The following WWOX variants were observed in gnomAD, a reference collection of about 807,000 sequenced individuals.
WWOX encodes the protein WW domain containing oxidoreductase, also known as WW domain-containing oxidoreductase.
WWOX carries 69 observed loss-of-function variants against 46.2 expected under a neutral mutation model. That is an observed-to-expected ratio of 1.49 (90% CI 1.23 to 1.82). The LOEUF is 1.82. Among genes scored for constraint, WWOX ranks in the 40% most tolerant of loss-of-function variants. The pLI is 0.00. For missense variants in WWOX, 919 were observed against 542.6 expected (o/e 1.69, Z -6.89); for synonymous variants, 359 against 202.6 (o/e 1.77, Z -6.56).
chr16:79,046,447 T>A (rs1330358141), intron 8 of WWOX, among the ~76,000 whole-genome samples: 2 of 152,198 alleles, frequency 1.3e-5, no homozygotes, highest in African/African-American at 4.8e-5. Flanking sequence ...TTTACATGGT[T>A]CTGGAGACTG....
At chr16:78,635,085 C>A (rs2046536054) in intron 8 of WWOX, among the ~76,000 whole-genome samples, 1 of 152,086 alleles carries the variant, frequency 6.6e-6, no homozygotes, top group Non-Finnish European at 1.5e-5. Flanking sequence ...GGAAACCTTG[C>A]CCAATGTGAT....
At chr16:78,886,668 T>C (rs2044465322) in intron 8 of WWOX, among the ~76,000 whole-genome samples, 1 of 144,174 alleles carries the variant, frequency 6.9e-6, no homozygotes, top group Non-Finnish European at 1.5e-5. Flanking sequence ...GTAAAATATA[T>C]ATATGAAGGG....
chr16:78,579,793 A>T (rs2045002242), intron 8 of WWOX, among the ~76,000 whole-genome samples: 3 of 152,166 alleles, frequency 2.0e-5, no homozygotes, highest in Non-Finnish European at 4.4e-5. Flanking sequence ...AATATCTTTA[A>T]ATCTCCTACG....
chr16:78,341,276 A>G (rs1436523700), intron 5 of WWOX, among the ~76,000 whole-genome samples: 1 of 119,418 alleles, frequency 8.4e-6, no homozygotes, highest in Non-Finnish European at 2.0e-5. Context: ...AACTGCTGGG[A>G]TTATAGGCAT....
At chr16:78,555,610 CATT>C (rs2044275546) in intron 8 of WWOX, among the ~76,000 whole-genome samples, 1 of 144,180 alleles carries the variant, frequency 6.9e-6, no homozygotes, top group Admixed American at 7.1e-5. Context: ...TTACTACTTG[CATT>C]ATTGTTGTTG....
chr16:79,048,886 C>T (rs1022914287), intron 8 of WWOX, among the ~76,000 whole-genome samples: 1 of 152,138 alleles, frequency 6.6e-6, no homozygotes, highest in Non-Finnish European at 1.5e-5. Flanking sequence ...CCACCATCCC[C>T]AGAGTGACCT....
chr16:78,262,977 C>T (rs184566320), intron 5 of WWOX, among the ~76,000 whole-genome samples: 1 of 150,966 alleles, frequency 6.6e-6, no homozygotes, highest in Non-Finnish European at 1.5e-5. Flanking sequence ...GCTCAACTCT[C>T]ATGGGCTTGC....
intron 8 of WWOX, among the ~76,000 whole-genome samples, chr16:78,559,710 T>C (rs888924755): frequency 6.6e-6 from 1 of 152,214 alleles, no homozygotes; most frequent in African/African-American, 2.4e-5. Flanking sequence ...AAGGGAAACA[T>C]TCTTCTCACA....
chr16:78,756,860 C>CA (rs1041343006), intron 8 of WWOX: 1 of 700,888 alleles, frequency 1.4e-6, no homozygotes, highest in Non-Finnish European at 2.6e-6. Context: ...GTATTGCAGA[C>CA]ATCAGAGCAT....
At position 78,340,020 on chromosome 16, in the gene WWOX, G is replaced by T. The variant is rs1219395613; in HGVS notation, c.517-46840G>T. ...TCTAGTCTTTCCATGGATTTGGTGG[G>T]GGGGGGGGGGACGTTTCTATTTCCT... is the stretch of plus-strand genomic sequence containing the variant. On this transcript the variant is annotated intron_variant, in intron 5 of 8. Transcript: ENST00000566780. Among the ~76,000 whole-genome samples, 3 of 49,062 alleles carry T rather than the reference G, an allele frequency of 6.1e-5. 1 individual carries two copies. The highest frequency in any genetic ancestry group is 1.2e-4 in the African/African-American group (2 of 16,296). 32.2% of individuals were successfully genotyped at this position (49,062 alleles called of 152,430 possible).
intron 4 of WWOX, among the ~76,000 whole-genome samples, chr16:78,163,077 G>C (rs2034849254): frequency 6.6e-6 from 1 of 152,126 alleles, no homozygotes; most frequent in Admixed American, 6.5e-5. Context: ...CAGATCTCCT[G>C]TGCATTTATT....
intron 8 of WWOX, among the ~76,000 whole-genome samples, chr16:79,081,158 G>A (rs2048753277): frequency 6.6e-6 from 1 of 152,102 alleles, no homozygotes; most frequent in Admixed American, 6.6e-5. Flanking sequence ...GTGGGGTGCT[G>A]AGAGAACAAG....
At chr16:79,102,967 A>G (rs1043803874) in intron 8 of WWOX, among the ~76,000 whole-genome samples, 2 of 150,482 alleles carry the variant, frequency 1.3e-5, no homozygotes, top group African/African-American at 4.9e-5. Context: ...TTTCTTCCTC[A>G]TCCTCCTTTT....
At chr16:78,402,618 G>T (rs923024523) in intron 6 of WWOX, among the ~76,000 whole-genome samples, 2 of 152,042 alleles carry the variant, frequency 1.3e-5, no homozygotes, top group Non-Finnish European at 2.9e-5. Context: ...GCCTGGTATT[G>T]GTACAATCAG....
chr16:78,526,293 C>G (rs1250631900), intron 8 of WWOX: 2 of 152,370 alleles, frequency 1.3e-5, no homozygotes, highest in African/African-American at 4.8e-5. Context: ...CTTGGAGGCG[C>G]TGCTGGTCCT....
chr16:78,220,686 T>C (rs1178955320), intron 5 of WWOX, among the ~76,000 whole-genome samples: 1 of 152,226 alleles, frequency 6.6e-6, no homozygotes, highest in African/African-American at 2.4e-5. Context: ...CCATTTACTT[T>C]TCTTTTAATG....
intron 8 of WWOX, among the ~76,000 whole-genome samples, chr16:78,729,515 G>A (rs1190563391): frequency 2.6e-5 from 4 of 152,088 alleles, no homozygotes; most frequent in Admixed American, 6.5e-5. Context: ...AGGAGTCCAT[G>A]CAAAGATAAA....
chr16:78,657,509 A>G (rs2047108697), intron 8 of WWOX, among the ~76,000 whole-genome samples: 1 of 152,186 alleles, frequency 6.6e-6, no homozygotes, highest in African/African-American at 2.4e-5. Context: ...AAAGGAGAAC[A>G]CAGAAGAATC....
chr16:78,789,665 T>C (rs1182080389), intron 8 of WWOX, among the ~76,000 whole-genome samples: 1 of 152,198 alleles, frequency 6.6e-6, no homozygotes, highest in African/African-American at 2.4e-5. Context: ...TTAAGATCAA[T>C]ATAATTTAAA....
Sources: allele counts gnomAD v4.1 joint callset (sites outside exome capture counted in the v4.1 genomes callset), GRCh38; gene constraint gnomAD v4.1.1; transcripts MANE v1.5; gene names NCBI Gene and HGNC (gene_info 2026-07-23, HGNC 2026-07-21).